Variants in SRRM3 observed in about 807,000 individuals in gnomAD.
SRRM3 encodes serine/arginine repetitive matrix 3.
A neutral mutation model predicts 66.2 loss-of-function variants in SRRM3; 27 were observed. The observed-to-expected ratio is 0.41, with a 90% CI of 0.30 to 0.56. SRRM3 has a LOEUF of 0.56. Among genes scored for constraint, SRRM3 ranks in the 20% least tolerant of loss-of-function variants. The probability of loss-of-function intolerance (pLI) is 0.32; values close to 1 mark genes in which losing one functional copy is unlikely to be tolerated. For synonymous variants in SRRM3, 391 were observed against 414.9 expected (o/e 0.94, Z 0.70); for missense variants, 918 against 991.9 (o/e 0.93, Z 1.00).
In SRRM3 at chr7:76,267,432, C is replaced by G. The variant is rs1244089093; in HGVS notation, c.1005C>G (p.Pro335=). ...GGRPGSAHSP[P]DKPSSPSPRV... ...GCCCCGGCTCGGCGCACAGCCCGCC[C>G]GATGTACGTACGCTTCGCTTTGCGG... Residue 335 remains proline, a synonymous_variant, in exon 11 of 15, where the codon CCC becomes CCG. Coordinates refer to ENST00000611745, the MANE Select transcript of SRRM3 (RefSeq NM_001110199.3). 3 of 1,360,036 alleles carry G rather than the reference C, an allele frequency of 2.2e-6. No homozygotes were observed. Among genetic ancestry groups the G allele is most frequent in the Non-Finnish European group, 2.8e-6 (3 of 1,061,744 alleles). The allele number at this position is 1,360,036 out of a possible 1,614,324, so 84.2% of individuals were successfully genotyped here. A position where few individuals can be genotyped will look rare whatever the true frequency, so the allele number is the denominator to read the frequency against.
Position 76,248,279 on chromosome 7 carries a change from G to A in SRRM3, c.325G>A (p.Gly109Arg). 1 of 1,613,058 alleles carries A rather than the reference G, an allele frequency of 6.2e-7. No homozygotes were observed. ...EGVLTREDRP[G>R]GHIVAETPRL... ...AGTGCTCACCAGGGAGGACCGGCCT[G>A]GGGGCCACATGTGAGTGCTTACCTG... Residue 109 changes from glycine to arginine, a missense_variant, in exon 3 of 15, where the codon GGG becomes AGG. Physicochemically the swap from Gly to Arg is moderately radical, Grantham distance 125. Transcript: ENST00000611745.
At chr7:76,272,759 C>A (rs1802245090) in intron 11 of SRRM3, among the ~76,000 whole-genome samples, 1 of 152,226 alleles carries the variant, frequency 6.6e-6, no homozygotes, top group African/African-American at 2.4e-5. Flanking sequence ...GGCCTTGGGG[C>A]TCTCTCTGGC....
chr7:76,227,784 G>C (rs1554603872), intron 1 of SRRM3, among the ~76,000 whole-genome samples: 2 of 152,190 alleles, frequency 1.3e-5, no homozygotes, highest in African/African-American at 2.4e-5. Flanking sequence ...GTGAATGCTT[G>C]AATATCGTTT....
intron 14 of SRRM3, 51 bp downstream of exon 14, chr7:76,283,152 C>G: frequency 7.4e-7 from 1 of 1,351,608 alleles, no homozygotes; most frequent in Non-Finnish European, 9.5e-7. Flanking sequence ...GCCGCTGACC[C>G]GGATCAGGGA....
intron 6 of SRRM3, 106 bp from the exon 7 acceptor site, chr7:76,261,246 A>T: frequency 2.0e-5 from 10 of 503,190 alleles, no homozygotes; most frequent in Non-Finnish European, 3.2e-5. Flanking sequence ...CTGGCCTGGA[A>T]TTCCCTTTCC....
At chr7:76,277,979 G>T (rs572841442) in intron 11 of SRRM3, among the ~76,000 whole-genome samples, 2 of 152,318 alleles carry the variant, frequency 1.3e-5, no homozygotes, top group Admixed American at 1.3e-4. Flanking sequence ...TGTTCACTTT[G>T]CACTCTTTGA....
chr7:76,268,338 G>C (rs1336817731), intron 11 of SRRM3: 6 of 143,936 alleles, frequency 4.2e-5, no homozygotes, highest in Admixed American at 1.5e-4. Context: ...AGAGTACACA[G>C]TTGAGACCCC....
chr7:76,275,791 A>G (rs1007087703), intron 11 of SRRM3, among the ~76,000 whole-genome samples: 14 of 151,912 alleles, frequency 9.2e-5, no homozygotes, highest in Non-Finnish European at 1.3e-4. Context: ...TTCTTACCCA[A>G]AGGTTGGGCC....
intron 1 of SRRM3, among the ~76,000 whole-genome samples, chr7:76,205,452 C>T (rs148323827): frequency 1.3e-5 from 2 of 152,312 alleles, no homozygotes; most frequent in South Asian, 2.1e-4. Context: ...TCAGGTGATC[C>T]GCCTGCCTCA....
At chr7:76,265,329 T>A in intron 9 of SRRM3, 35 bp from the exon 10 acceptor site, 2 of 1,531,410 alleles carry the variant, frequency 1.3e-6, no homozygotes, top group Non-Finnish European at 1.8e-6. Context: ...GGGGGCAGAA[T>A]TGAGGTACAG....
intron 6 of SRRM3, 122 bp downstream of exon 6, chr7:76,261,025 A>C: frequency 9.3e-7 from 1 of 1,074,308 alleles, no homozygotes; most frequent in Non-Finnish European, 1.3e-6. Flanking sequence ...GGACACTGCC[A>C]AGGTGCAAGT....
intron 1 of SRRM3, among the ~76,000 whole-genome samples, chr7:76,211,858 G>A (rs1363111168): frequency 7.6e-6 from 1 of 131,390 alleles, no homozygotes; most frequent in Non-Finnish European, 1.7e-5. Flanking sequence ...ATTATTATTA[G>A]AGACTAGGTC....
Position 76,281,778 on chromosome 7 carries a change from G to T in SRRM3, c.1346G>T (p.Arg449Leu). ...CCCGGGCCCGAGCCCGGCTCTGAGC[G>T]AGGCCACGGCGGACACGGGAAACGG... ...PGPGPEPGSE[R>L]GHGGHGKRAK... is the part of the protein sequence containing the mutation. Residue 449 changes from arginine (R) to leucine (L), a missense_variant, in exon 12 of 15, where the codon CGA (arginine) becomes CTA (leucine). Coordinates refer to ENST00000611745, the MANE Select transcript of SRRM3 (RefSeq NM_001110199.3). 1 of 1,386,736 alleles carries T rather than the reference G, an allele frequency of 7.2e-7. No homozygotes were observed. The highest frequency in any genetic ancestry group is 9.4e-7 in the Non-Finnish European group (1 of 1,069,378). The allele number at this position is 1,386,736 out of a possible 1,614,324, so 85.9% of individuals were successfully genotyped here. A position where few individuals can be genotyped will look rare whatever the true frequency, so the allele number is the denominator to read the frequency against.
intron 1 of SRRM3, among the ~76,000 whole-genome samples, chr7:76,206,131 C>A (rs1800297614): frequency 6.6e-6 from 1 of 152,152 alleles, no homozygotes; most frequent in Non-Finnish European, 1.5e-5. Flanking sequence ...CCTCAGCCTC[C>A]CGAATAGCTA....
intron 2 of SRRM3, among the ~76,000 whole-genome samples, chr7:76,236,000 T>C (rs1170846838): frequency 4.1e-5 from 2 of 48,444 alleles, no homozygotes; most frequent in African/African-American, 1.2e-4. Flanking sequence ...ATCGAGATTC[T>C]GTCTCAAAAA....
At chr7:76,281,342 ATCTC>A (rs1802498832) in intron 11 of SRRM3, 95 bp from the exon 12 acceptor site, 6 of 864,880 alleles carry the variant, frequency 6.9e-6, no homozygotes, top group Non-Finnish European at 8.7e-6. Flanking sequence ...CTTTCTTTCA[ATCTC>A]TCTCTCCCGT....
At chr7:76,282,441 C>T (rs1266627254) in intron 12 of SRRM3, among the ~76,000 whole-genome samples, 1 of 150,154 alleles carries the variant, frequency 6.7e-6, no homozygotes, top group Non-Finnish European at 1.5e-5. Context: ...CCACTGATCT[C>T]CCCCAACACG....
At chr7:76,204,279 C>G (rs1800239575) in intron 1 of SRRM3, among the ~76,000 whole-genome samples, 1 of 152,148 alleles carries the variant, frequency 6.6e-6, no homozygotes, top group African/African-American at 2.4e-5. Flanking sequence ...TCTCAGAAGC[C>G]TTCCAGGGGC....
intron 1 of SRRM3, among the ~76,000 whole-genome samples, chr7:76,213,690 G>C (rs1437538795): frequency 1.3e-5 from 2 of 152,144 alleles, no homozygotes; most frequent in African/African-American, 4.8e-5. Context: ...TTGGGGACTT[G>C]AAAGGGGTTA....
Sources: allele counts gnomAD v4.1 joint callset (sites outside exome capture counted in the v4.1 genomes callset), GRCh38; gene constraint gnomAD v4.1.1; transcripts MANE v1.5; gene names NCBI Gene and HGNC (gene_info 2026-07-23, HGNC 2026-07-21).